The following ATP10B variants were observed in gnomAD, a reference collection of about 807,000 sequenced individuals.
ATP10B encodes phospholipid-transporting ATPase VB.
In ATP10B, 122 loss-of-function variants were observed where a neutral mutation model predicts 141.2. The observed-to-expected ratio is 0.86, with a 90% confidence interval of 0.75 to 1.00. ATP10B has a LOEUF of 1.00. Ranked by LOEUF, ATP10B falls within the 50% of genes least tolerant of loss-of-function variation. The pLI is 0.00. For synonymous variants in ATP10B, 685 were observed against 692.0 expected (o/e 0.99, Z 0.16); for missense variants, 1,876 against 1,825.3 (o/e 1.03, Z -0.51).
In ATP10B at chr5:160,674,313, G is replaced by A. The variant is rs143723256; in HGVS notation, c.471-3646C>T. Among the ~76,000 whole-genome samples, 340 of 152,334 alleles carry A rather than the reference G, an allele frequency of 2.2e-3. 1 individual carries two copies. The highest frequency in any genetic ancestry group is 7.8e-3 in the African/African-American group (324 of 41,568). On this transcript the variant is annotated intron_variant, in intron 6 of 25. Transcript: ENST00000327245. ...ATAAAGGACTGCACTGCTTATTCTA[G>A]AATGTGGATTATAAAGGTGCTGGAA...
At chr5:160,638,144 T>C (rs141541929) in intron 10 of ATP10B, among the ~76,000 whole-genome samples, 1 of 152,338 alleles carries the variant, frequency 6.6e-6, no homozygotes, top group East Asian at 1.9e-4. Context: ...GGTGCTCATT[T>C]GAGAGCTTTC....
rs187755721 is a variant in ATP10B at position 160,704,379 on chromosome 5, T to A, written c.-205+12530A>T. On this transcript the variant is annotated intron_variant, in intron 3 of 25. Coordinates refer to ENST00000327245, the MANE Select transcript of ATP10B (RefSeq NM_025153.3). ...GCCAAATAGTAATCTTTTGAAAAAA[T>A]TTTTTTATTTTCTTTTTCTGAGTAG... Among the ~76,000 whole-genome samples, 97 of 152,168 alleles carry A rather than the reference T, an allele frequency of 6.4e-4. 1 individual carries two copies. Among genetic ancestry groups the A allele is most frequent in the African/African-American group, 2.2e-3 (93 of 41,514 alleles).
the ATP10B span, among the ~76,000 whole-genome samples, chr5:160,901,130 A>C: frequency 6.6e-6 from 1 of 151,974 alleles, no homozygotes; most frequent in Admixed American, 6.6e-5. Context: ...ACTGAGAAGG[A>C]CCTCTGTCTG....
rs773134818 is a variant in ATP10B at position 160,632,275 on chromosome 5, C to A, written c.1474G>T (p.Asp492Tyr). 1 of 1,614,196 alleles carries A rather than the reference C, an allele frequency of 6.2e-7. No homozygotes were observed. Among genetic ancestry groups the A allele is most frequent in the Non-Finnish European group, 8.5e-7 (1 of 1,180,034 alleles). The part of the protein sequence containing the change: ...CLSFSARWAQ[D>Y]PATMRSQKGA... ...TTTTGGCTTCTCATAGTTGCTGGAT[C>A]CTGGGCCCATCTAGCCGAGAAGGAC... The change falls in exon 13 of 26, where the codon GAT becomes TAT. Residue 492 changes from aspartate (D) to tyrosine (Y), a missense_variant. Transcript: ENST00000327245.
At chr5:160,637,390 A>G (rs1759499123) in intron 10 of ATP10B, among the ~76,000 whole-genome samples, 1 of 152,050 alleles carries the variant, frequency 6.6e-6, no homozygotes, top group South Asian at 2.1e-4. Flanking sequence ...CCTCTGTCTG[A>G]CATTGATTAA....
In ATP10B at chr5:160,661,095, G is replaced by A. The variant is rs537195315; in HGVS notation, c.675+9368C>T. 2.1e-3 allele frequency among the ~76,000 whole-genome samples: 321 copies of A among 152,116 alleles called. 2 individuals are homozygous for A. The highest frequency in any genetic ancestry group is 6.4e-3 in the South Asian group (31 of 4,808). ...CAGCTACTCTGGAGGCTGAGGCAAG[G>A]GAATCGCTTGAACCTAGGAGGCAGA... On this transcript the variant is annotated intron_variant, in intron 7 of 25. Transcript: ENST00000327245.
At chr5:160,889,074 G>C in the ATP10B span, among the ~76,000 whole-genome samples, 7 of 152,252 alleles carry the variant, frequency 4.6e-5, no homozygotes, top group East Asian at 1.9e-4. Flanking sequence ...TGCTTAATAT[G>C]ATGGGGAACT....
In ATP10B at chr5:160,819,406, C is replaced by T. The variant is rs1233777765; in HGVS notation, c.-576+32535G>A. On this transcript the variant is annotated intron_variant, in intron 1 of 25. Coordinates refer to ENST00000327245, the MANE Select transcript of ATP10B (RefSeq NM_025153.3). ...GCTGAGGGATTTCATCAACACCAGA[C>T]CTATCCTACAAGAAGTATTAAAGGG... is the stretch of plus-strand genomic sequence containing the variant. Among the ~76,000 whole-genome samples, 5 of 152,124 alleles carry T rather than the reference C, an allele frequency of 3.3e-5. No homozygotes were observed. The South Asian group carries it at 6.2e-4, about 19-fold the overall frequency.
chr5:160,907,211 G>T, the ATP10B span, among the ~76,000 whole-genome samples: 1 of 151,874 alleles, frequency 6.6e-6, no homozygotes, highest in Non-Finnish European at 1.5e-5. Flanking sequence ...AAAGCTACCT[G>T]AAATCTTTCT....
intron 6 of ATP10B, among the ~76,000 whole-genome samples, chr5:160,672,155 T>C (rs1160882461): frequency 6.6e-6 from 1 of 151,692 alleles, no homozygotes; most frequent in Non-Finnish European, 1.5e-5. Flanking sequence ...TTTTGTATTT[T>C]TAGTAGAGAT....
At chr5:160,733,728 G>A (rs901161963) in intron 2 of ATP10B, among the ~76,000 whole-genome samples, 1 of 150,866 alleles carries the variant, frequency 6.6e-6, no homozygotes, top group African/African-American at 2.4e-5. Context: ...ATTTGAATAA[G>A]GGCCAGAAAT....
At chr5:160,676,785 C>T (rs1372467078) in intron 6 of ATP10B, among the ~76,000 whole-genome samples, 2 of 152,118 alleles carry the variant, frequency 1.3e-5, no homozygotes, top group Non-Finnish European at 2.9e-5. Flanking sequence ...TATAATGAAC[C>T]CAGCATTTAA....
chr5:160,583,666 G>A (rs112809742), intron 24 of ATP10B, among the ~76,000 whole-genome samples: 1,981 of 152,290 alleles, frequency 0.013, 49 homozygotes, highest in African/African-American at 0.045. Flanking sequence ...CCAGGGAGAG[G>A]GGAGTTTTAT....
At chr5:160,577,970 C>T (rs1755302678) in intron 24 of ATP10B, among the ~76,000 whole-genome samples, 1 of 151,842 alleles carries the variant, frequency 6.6e-6, no homozygotes, top group South Asian at 2.1e-4. Context: ...TTGATCTATA[C>T]CAGTTTCTTA....
chr5:160,645,776 GTTC>G, intron 8 of ATP10B, among the ~76,000 whole-genome samples: 1 of 152,268 alleles, frequency 6.6e-6, no homozygotes, highest in Middle Eastern at 3.4e-3. Flanking sequence ...TAAACGTGTT[GTTC>G]TTCAATACTT....
intron 13 of ATP10B, among the ~76,000 whole-genome samples, chr5:160,631,214 T>C (rs866887178): frequency 9.9e-5 from 15 of 152,242 alleles, no homozygotes; most frequent in Non-Finnish European, 1.5e-4. Flanking sequence ...CTGTGGCCTC[T>C]TGTGCAAGTG....
At chr5:160,914,022 A>T in the ATP10B span, among the ~76,000 whole-genome samples, 19 of 152,330 alleles carry the variant, frequency 1.2e-4, no homozygotes, top group African/African-American at 4.3e-4. Context: ...TAATTTGTTA[A>T]TTGCCAAATT....
At chr5:160,592,913 A>G in intron 22 of ATP10B, among the ~76,000 whole-genome samples, 1 of 152,222 alleles carries the variant, frequency 6.6e-6, no homozygotes, top group Non-Finnish European at 1.5e-5. Flanking sequence ...GCAGCTGGGA[A>G]GCTCGAACTG....
chr5:160,786,749 C>T (rs1284325294), intron 1 of ATP10B, among the ~76,000 whole-genome samples: 2 of 152,136 alleles, frequency 1.3e-5, no homozygotes, highest in Admixed American at 6.6e-5. Context: ...AGATTATTCA[C>T]ATGCATATGC....
Sources: allele counts gnomAD v4.1 joint callset (sites outside exome capture counted in the v4.1 genomes callset), GRCh38; gene constraint gnomAD v4.1.1; transcripts MANE v1.5; gene names NCBI Gene and HGNC (gene_info 2026-07-23, HGNC 2026-07-21).